CHODL: variants seen among roughly 807,000 people sequenced by gnomAD.
The protein encoded by CHODL is transmembrane protein MT75.
A neutral mutation model predicts 34.5 loss-of-function variants in CHODL; 29 were observed. The observed-to-expected ratio is 0.84, with a 90% CI of 0.63 to 1.15. The LOEUF (loss-of-function observed/expected upper bound fraction) is 1.15. Ranked by LOEUF, CHODL falls within the 50% of genes most tolerant of loss-of-function variation. The probability of loss-of-function intolerance (pLI) is 0.00; values close to 1 mark genes in which losing one functional copy is unlikely to be tolerated. For missense variants in CHODL, 332 were observed against 332.5 expected (o/e 1.00, Z 0.01); for synonymous variants, 125 against 116.1 (o/e 1.08, Z -0.49).
At chr21:18,159,398 T>G (rs543992774) in intron 2 of CHODL, among the ~76,000 whole-genome samples, 1 of 152,326 alleles carries the variant, frequency 6.6e-6, no homozygotes, top group South Asian at 2.1e-4. Flanking sequence ...TTGAAAAGTT[T>G]TCTGCTGTTT....
chr21:18,225,499 C>T (rs1285303910), intron 2 of CHODL, among the ~76,000 whole-genome samples: 1 of 152,010 alleles, frequency 6.6e-6, no homozygotes, highest in Non-Finnish European at 1.5e-5. Flanking sequence ...ACATATCCAC[C>T]TTTTATATTG....
intron 1 of CHODL, among the ~76,000 whole-genome samples, chr21:18,000,663 G>A (rs1349005339): frequency 2.0e-5 from 3 of 152,032 alleles, no homozygotes; most frequent in African/African-American, 4.8e-5. Flanking sequence ...TGGGTCATAA[G>A]AAAAAAGGCT....
chr21:17,926,578 G>A (rs1331859039), intron 1 of CHODL, among the ~76,000 whole-genome samples: 2 of 152,166 alleles, frequency 1.3e-5, no homozygotes, highest in African/African-American at 2.4e-5. Context: ...AGCATGGAGA[G>A]ATGCAAGCAG....
chr21:17,944,080 C>T (rs912369344), intron 1 of CHODL, among the ~76,000 whole-genome samples: 2 of 135,316 alleles, frequency 1.5e-5, no homozygotes, highest in East Asian at 2.4e-4. Context: ...GCGTGAGCCA[C>T]TAGACTGTTA....
At chr21:17,982,696 C>CTTTTTTT (rs397867753) in intron 1 of CHODL, among the ~76,000 whole-genome samples, 28 of 63,006 alleles carry the variant, frequency 4.4e-4, no homozygotes, top group African/African-American at 6.7e-4. Flanking sequence ...TATATATATT[C>CTTTTTTT]TTTTTTTTTT....
At chr21:17,957,883 C>CT (rs969122222) in intron 1 of CHODL, among the ~76,000 whole-genome samples, 14 of 149,454 alleles carry the variant, frequency 9.4e-5, no homozygotes, top group South Asian at 2.1e-4. Context: ...TTTAGGCAGC[C>CT]TTTTTTTTTT....
At chr21:18,060,546 G>A (rs986083535) in intron 2 of CHODL, among the ~76,000 whole-genome samples, 2 of 151,780 alleles carry the variant, frequency 1.3e-5, no homozygotes, top group African/African-American at 2.4e-5. Flanking sequence ...CCTGGATATA[G>A]TACCCATCAG....
At chr21:18,026,693 T>C (rs186596967) in intron 1 of CHODL, among the ~76,000 whole-genome samples, 2 of 152,296 alleles carry the variant, frequency 1.3e-5, no homozygotes, top group East Asian at 3.9e-4. Flanking sequence ...AATTGGTTCT[T>C]TTGTGCAAAG....
At chr21:18,046,769 T>G (rs1229208138) in intron 2 of CHODL, among the ~76,000 whole-genome samples, 1 of 151,938 alleles carries the variant, frequency 6.6e-6, no homozygotes. Context: ...ATGACTTGGT[T>G]TTCTTACTTT....
chr21:18,033,260 A>G (rs1267192521), intron 2 of CHODL, among the ~76,000 whole-genome samples: 1 of 152,016 alleles, frequency 6.6e-6, no homozygotes, highest in Non-Finnish European at 1.5e-5. Flanking sequence ...CCTGCATTTC[A>G]CTGTGAACAT....
At chr21:18,197,637 T>C (rs2073605397) in intron 2 of CHODL, among the ~76,000 whole-genome samples, 2 of 152,006 alleles carry the variant, frequency 1.3e-5, no homozygotes, top group Non-Finnish European at 2.9e-5. Flanking sequence ...AAAACAAAAA[T>C]TTATTGTAAC....
chr21:17,989,147 T>G (rs1324522246), intron 1 of CHODL, among the ~76,000 whole-genome samples: 1 of 152,184 alleles, frequency 6.6e-6, no homozygotes, highest in Non-Finnish European at 1.5e-5. Flanking sequence ...TTATAAATAT[T>G]CTTTTGCTGG....
chr21:18,193,467 G>C (rs560654255), intron 2 of CHODL, among the ~76,000 whole-genome samples: 1 of 151,722 alleles, frequency 6.6e-6, no homozygotes, highest in Non-Finnish European at 1.5e-5. Context: ...AGGCTGAGGC[G>C]GGCGGATCAC....
At chr21:18,088,127 A>G (rs932497060) in intron 2 of CHODL, among the ~76,000 whole-genome samples, 4 of 152,290 alleles carry the variant, frequency 2.6e-5, no homozygotes, top group African/African-American at 9.6e-5. Flanking sequence ...AGTGATGATT[A>G]CAATTTATCA....
intron 2 of CHODL, among the ~76,000 whole-genome samples, chr21:18,145,592 A>G (rs1347709088): frequency 3.3e-5 from 5 of 152,142 alleles, no homozygotes; most frequent in Admixed American, 3.3e-4. Flanking sequence ...AAAATGAGGC[A>G]ATAACCTGTT....
At position 18,201,820 on chromosome 21, in the gene CHODL, T is replaced by G. The variant is rs1254615074; in HGVS notation, c.-44-54689T>G. ...AAAAACTTTTTTTTTTTTTTTTTTTTTTGAGAGGGAGTCTCACTCTGTCGC... is the reference window on the plus strand; with the variant it reads ...AAAAACTTTTTTTTTTTTTTTTTTTGTTGAGAGGGAGTCTCACTCTGTCGC... On this transcript the variant is annotated intron_variant, in intron 2 of 6. Transcript: ENST00000400127. Among the ~76,000 whole-genome samples, 4 of 149,630 alleles carry G rather than the reference T, an allele frequency of 2.7e-5. No individual in the cohort carries two copies. In the East Asian group the frequency reaches 7.8e-4, roughly 29 times the overall value.
chr21:18,244,815 C>G (rs142152153), upstream of CHODL: 680 of 175,826 alleles, frequency 3.9e-3, 3 homozygotes, highest in Non-Finnish European at 6.1e-3. Context: ...TAAGACGGTG[C>G]CTGAGCGCAG....
rs556466888 is a variant in CHODL, at chr21:18,092,375, C to T, written c.-45+64404C>T. Among the ~76,000 whole-genome samples, 47 of 152,228 alleles carry T rather than the reference C, an allele frequency of 3.1e-4. No homozygotes were observed. The South Asian group carries it at 7.5e-3, about 24-fold the overall frequency. ...AAGAAAGACAGGCACAAACAAGCCC[C>T]GACTGTGAAGACTACCATAAATAGC... On this transcript the variant is annotated intron_variant, in intron 2 of 6. Transcript: ENST00000400127.
chr21:18,171,439 C>T (rs531731039), intron 2 of CHODL, among the ~76,000 whole-genome samples: 1 of 150,032 alleles, frequency 6.7e-6, no homozygotes, highest in African/African-American at 2.5e-5. Context: ...GATCTCCTGA[C>T]CTCATGATCC....
Sources: allele counts gnomAD v4.1 joint callset (sites outside exome capture counted in the v4.1 genomes callset), GRCh38; gene constraint gnomAD v4.1.1; transcripts MANE v1.5; gene names NCBI Gene and HGNC (gene_info 2026-07-23, HGNC 2026-07-21).